Variants in RBBP8 observed in about 807,000 individuals in gnomAD.
RBBP8 encodes the protein DNA endonuclease RBBP8.
RBBP8 carries 88 observed loss-of-function variants against 108.3 expected under a neutral mutation model. That is an observed-to-expected ratio of 0.81 (90% CI 0.68 to 0.97). The LOEUF (loss-of-function observed/expected upper bound fraction) is 0.97. RBBP8 is among the 50% of genes least tolerant of loss of function. The pLI, the probability that RBBP8 is intolerant of heterozygous loss-of-function variation, is 0.00. For missense variants in RBBP8, 1,023 were observed against 1,049.0 expected (o/e 0.98, Z 0.34); for synonymous variants, 332 against 348.2 (o/e 0.95, Z 0.52).
At chr18:22,975,123 A>G (rs1914408592) in intron 5 of RBBP8, 30 bp from the exon 6 acceptor site, 1 of 1,586,570 alleles carries the variant, frequency 6.3e-7, no homozygotes, top group African/African-American at 1.4e-5. Flanking sequence ...TAAATATATT[A>G]TTTGCCTTCT....
chr18:22,946,583 T>C, intron 3 of RBBP8, 97 bp downstream of exon 3: 1 of 1,537,306 alleles, frequency 6.5e-7, no homozygotes, highest in Non-Finnish European at 8.8e-7. Flanking sequence ...TGATGTCCAA[T>C]TTGACCTTAA....
chr18:23,020,202 C>T (rs1473078357), intron 17 of RBBP8, among the ~76,000 whole-genome samples: 3 of 151,574 alleles, frequency 2.0e-5, no homozygotes, highest in African/African-American at 7.3e-5. Context: ...GGGTGGATCA[C>T]CTGAGGTCAG....
rs115692549 is a variant in RBBP8 at position 22,952,611 on chromosome 18, A to G, written c.248+2898A>G. Among the ~76,000 whole-genome samples, 895 of 152,310 alleles carry G rather than the reference A, an allele frequency of 5.9e-3. 10 individuals carry two copies. The highest frequency in any genetic ancestry group is 0.029 in the South Asian group (138 of 4,828). On this transcript the variant is annotated intron_variant, in intron 4 of 18. Coordinates refer to ENST00000327155, the MANE Select transcript of RBBP8 (RefSeq NM_002894.3). Reference sequence around the variant, plus strand: ...CTTTTAGCACTCTAATCTGTGTTATATAACACAGCCATGTCTAGGCTGTCT... The same window carrying G: ...CTTTTAGCACTCTAATCTGTGTTATGTAACACAGCCATGTCTAGGCTGTCT...
chr18:23,017,307 A>G (rs2046273399), intron 17 of RBBP8, among the ~76,000 whole-genome samples: 1 of 149,968 alleles, frequency 6.7e-6, no homozygotes, highest in African/African-American at 2.5e-5. Context: ...GTGAGCCGAG[A>G]TTGTGCCATT....
chr18:22,944,997 A>T (rs1036657508), intron 2 of RBBP8, among the ~76,000 whole-genome samples: 2 of 152,222 alleles, frequency 1.3e-5, no homozygotes, highest in Non-Finnish European at 2.9e-5. Flanking sequence ...TAAATATATT[A>T]ATGTTTCTAT....
intron 8 of RBBP8, among the ~76,000 whole-genome samples, chr18:22,988,504 TC>T (rs1915477121): frequency 1.3e-5 from 2 of 152,226 alleles, no homozygotes; most frequent in Non-Finnish European, 2.9e-5. Context: ...GCCATATTCT[TC>T]CTTCTCTCGA....
chr18:22,956,453 G>GC (rs985851853), intron 4 of RBBP8, among the ~76,000 whole-genome samples: 16 of 151,964 alleles, frequency 1.1e-4, no homozygotes, highest in African/African-American at 3.4e-4. Flanking sequence ...TCTCACATCA[G>GC]CCCCCCCAGG....
In RBBP8 at chr18:22,926,934, T is replaced by A. The variant is rs78438283; in HGVS notation, c.-153-2449T>A. 6.6e-4 allele frequency among the ~76,000 whole-genome samples: 100 copies of A among 152,340 alleles called. No individual in the cohort carries two copies. The East Asian group carries it at 0.018, about 27-fold the overall frequency. ...AATTATAAAACTTCTCAATCTGGAA[T>A]CTTGGCACCATCAACTCAAATCATA... On this transcript the variant is annotated intron_variant, in intron 3 of 4. Transcript: ENST00000577588.
At chr18:22,962,310 T>C (rs1458135869) in intron 4 of RBBP8, among the ~76,000 whole-genome samples, 1 of 152,150 alleles carries the variant, frequency 6.6e-6, no homozygotes, top group Admixed American at 6.6e-5. Context: ...TCTTTAATAG[T>C]CCAGGCACTT....
At chr18:22,921,611 C>T (rs1444788703) in intron 3 of RBBP8, among the ~76,000 whole-genome samples, 1 of 152,080 alleles carries the variant, frequency 6.6e-6, no homozygotes, top group Non-Finnish European at 1.5e-5. Flanking sequence ...AATTCTAATA[C>T]AAAATACAAT....
intron 7 of RBBP8, among the ~76,000 whole-genome samples, chr18:22,983,390 G>A (rs532628343): frequency 2.0e-5 from 3 of 152,074 alleles, no homozygotes; most frequent in Admixed American, 6.5e-5. Flanking sequence ...CTTTATAAGC[G>A]TTTGTATCAC....
At chr18:22,954,060 ACTGTGGGAAC>A (rs1912280879) in intron 4 of RBBP8, among the ~76,000 whole-genome samples, 1 of 151,980 alleles carries the variant, frequency 6.6e-6, no homozygotes, top group African/African-American at 2.4e-5. Flanking sequence ...CACAGTTGGG[ACTGTGGGAAC>A]TACAATTCAA....
chr18:22,932,941 G>A (rs1011961183), upstream of RBBP8, among the ~76,000 whole-genome samples: 1 of 152,164 alleles, frequency 6.6e-6, no homozygotes, highest in South Asian at 2.1e-4. Context: ...AGATAACAGC[G>A]ACAAGGCCGA....
intron 3 of RBBP8, among the ~76,000 whole-genome samples, chr18:22,917,858 TGTG>T (rs1296088369): frequency 6.6e-6 from 1 of 151,448 alleles, no homozygotes; most frequent in Non-Finnish European, 1.5e-5. Flanking sequence ...AATTAGCCAG[TGTG>T]GTGGTGCGTG....
At chr18:22,940,859 A>C (rs1056489940) in intron 2 of RBBP8, among the ~76,000 whole-genome samples, 6 of 151,876 alleles carry the variant, frequency 4.0e-5, no homozygotes, top group African/African-American at 1.5e-4. Flanking sequence ...TGCCCAGGCT[A>C]GTCTCAACTC....
At position 22,916,918 on chromosome 18, in the gene RBBP8, T is replaced by G. The variant is rs559663081; in HGVS notation, c.-239-23T>G. 7 of 152,298 alleles carry G rather than the reference T, an allele frequency of 4.6e-5. No homozygotes were observed. In the South Asian group the frequency reaches 1.4e-3, roughly 32 times the overall value. The allele number at this position is 152,298 out of a possible 1,614,324, so 9.4% of individuals were successfully genotyped here. ...AATTTAGGATTTGCCTAAGTTAATATAGTATTCTTTAAATTTGGTTAGAAC... is the reference window on the plus strand; with the variant it reads ...AATTTAGGATTTGCCTAAGTTAATAGAGTATTCTTTAAATTTGGTTAGAAC... On this transcript the variant is annotated intron_variant, in intron 2 of 4. Coordinates refer to the RBBP8 transcript ENST00000577588.
chr18:22,965,918 A>G (rs1164976483), intron 4 of RBBP8, among the ~76,000 whole-genome samples: 1 of 152,170 alleles, frequency 6.6e-6, no homozygotes, highest in Non-Finnish European at 1.5e-5. Context: ...GCTGCTGAGC[A>G]CTTGTCTGCA....
chr18:22,948,494 TA>T (rs1188537447), intron 3 of RBBP8, among the ~76,000 whole-genome samples: 1 of 152,176 alleles, frequency 6.6e-6, no homozygotes, highest in Admixed American at 6.5e-5. Context: ...ACCATAACTA[TA>T]TTTGTTGTAT....
intron 1 of RBBP8, among the ~76,000 whole-genome samples, chr18:22,935,542 A>G (rs373418727): frequency 1.7e-4 from 26 of 152,286 alleles, no homozygotes; most frequent in East Asian, 1.2e-3. Flanking sequence ...GTAGCTCTTG[A>G]CGGTTCACCA....
Sources: allele counts gnomAD v4.1 joint callset (sites outside exome capture counted in the v4.1 genomes callset), GRCh38; gene constraint gnomAD v4.1.1; transcripts MANE v1.5; gene names NCBI Gene and HGNC (gene_info 2026-07-23, HGNC 2026-07-21).